HHAT: variants seen among roughly 807,000 people sequenced by gnomAD.
HHAT encodes the protein protein-cysteine N-palmitoyltransferase HHAT.
A neutral mutation model predicts 70.8 loss-of-function variants in HHAT; 47 were observed. The ratio of observed to expected loss-of-function variants is 0.66; its 90% CI spans 0.53 to 0.85. The LOEUF (loss-of-function observed/expected upper bound fraction) is 0.85. Ranked by LOEUF, HHAT falls within the 40% of genes least tolerant of loss-of-function variation. The pLI, the probability that HHAT is intolerant of heterozygous loss-of-function variation, is 0.00. For synonymous variants in HHAT, 228 were observed against 247.6 expected (o/e 0.92, Z 0.74); for missense variants, 609 against 604.8 (o/e 1.01, Z -0.07).
At chr1:210,367,357 T>C (rs760784710) in intron 3 of HHAT, among the ~76,000 whole-genome samples, 3 of 152,116 alleles carry the variant, frequency 2.0e-5, no homozygotes, top group Non-Finnish European at 2.9e-5. Flanking sequence ...GGTTGCAGCA[T>C]GGAGGTGAGA....
intron 11 of HHAT, among the ~76,000 whole-genome samples, chr1:210,644,349 TC>T (rs1391585339): frequency 2.0e-5 from 3 of 152,164 alleles, no homozygotes; most frequent in Admixed American, 2.0e-4. Context: ...ATGCCTGTAA[TC>T]CCAGCACTTT....
At chr1:210,514,203 C>T (rs2095012189) in intron 9 of HHAT, among the ~76,000 whole-genome samples, 1 of 152,202 alleles carries the variant, frequency 6.6e-6, no homozygotes, top group Non-Finnish European at 1.5e-5. Context: ...ATACCTTGTC[C>T]TCTTTGACCT....
chr1:210,382,869 A>G (rs1191755861), intron 3 of HHAT, among the ~76,000 whole-genome samples: 1 of 152,208 alleles, frequency 6.6e-6, no homozygotes, highest in Non-Finnish European at 1.5e-5. Flanking sequence ...GTACAGGGAC[A>G]AGCATGAGTA....
rs989765188 is a variant in HHAT at position 210,348,725 on chromosome 1, G to A, written c.-43-208G>A. Among the ~76,000 whole-genome samples the A allele has an allele frequency of 2.4e-5, 3 of 125,402 alleles. No individual in the cohort carries two copies. In the Admixed American group the frequency reaches 2.6e-4, roughly 11 times the overall value. The allele number at this position is 125,402 out of a possible 152,430, so 82.3% of individuals were successfully genotyped here. A position where few individuals can be genotyped will look rare whatever the true frequency, so the allele number is the denominator to read the frequency against. On this transcript the variant is annotated intron_variant, in intron 1 of 11. Coordinates refer to ENST00000261458, the MANE Select transcript of HHAT (RefSeq NM_018194.6). ...TTGACAGGCAGGATGCACATGTGTG[G>A]TGTATGTGTGCGTGTGTGTGTGTGT...
At chr1:210,589,989 T>C (rs973030261) in intron 10 of HHAT, 2 of 152,226 alleles carry the variant, frequency 1.3e-5, no homozygotes, top group African/African-American at 4.8e-5. Context: ...ATGAAACTTA[T>C]TTTTATCACC....
chr1:210,451,290 T>G (rs1313699663), intron 7 of HHAT, among the ~76,000 whole-genome samples: 1 of 152,134 alleles, frequency 6.6e-6, no homozygotes, highest in African/African-American at 2.4e-5. Flanking sequence ...TAGCAGTCTT[T>G]AGCTAATAAA....
In HHAT at chr1:210,672,519, C is replaced by G. The variant is rs896563976; in HGVS notation, c.1391-1769C>G. ...AAATGTGCTCTGTGCATTCCATCATCTAGTGCTTACCACATGATCATAAAT... is the reference window on the plus strand; with the variant it reads ...AAATGTGCTCTGTGCATTCCATCATGTAGTGCTTACCACATGATCATAAAT... On this transcript the variant is annotated intron_variant, in intron 11 of 11. Transcript: ENST00000261458. 2.0e-5 allele frequency among the ~76,000 whole-genome samples: 3 copies of G among 152,240 alleles called. No homozygotes were observed. The South Asian group carries it at 6.2e-4, about 31-fold the overall frequency.
intron 9 of HHAT, among the ~76,000 whole-genome samples, chr1:210,527,376 A>T (rs1275466934): frequency 6.6e-6 from 1 of 152,174 alleles, no homozygotes; most frequent in Non-Finnish European, 1.5e-5. Context: ...TAACAGCTTC[A>T]TGCTTCACTT....
At position 210,623,572 on chromosome 1, in the gene HHAT, T is replaced by G. The variant is rs1327162202; in HGVS notation, c.1292T>G (p.Leu431Arg). The G allele has an allele frequency of 6.2e-7, 1 of 1,613,980 alleles. No individual in the cohort carries two copies. The highest frequency in any genetic ancestry group is 8.5e-7 in the Non-Finnish European group (1 of 1,179,996). ...PQARRRFHAA[L>R]ASCSTSMLIL... ...GCTCGCCGTCGATTCCACGCTGCCCTTGCTTCTTGTTCCACCTCGATGCTG... is the reference window on the plus strand; with the variant it reads ...GCTCGCCGTCGATTCCACGCTGCCCGTGCTTCTTGTTCCACCTCGATGCTG... Residue 431 changes from leucine (L) to arginine (R), a missense_variant, in exon 11 of 12, where the codon CTT (leucine) becomes CGT (arginine). By Grantham distance (102) the Leu-to-Arg change is moderately radical. Transcript: ENST00000261458.
At position 210,496,010 on chromosome 1, in the gene HHAT, C is replaced by CAAAAAAAAAA. The variant is rs10639399; in HGVS notation, c.1008-17132_1008-17123dup. 4.6e-4 allele frequency among the ~76,000 whole-genome samples: 31 copies of CAAAAAAAAAA among 67,930 alleles called. 1 individual carries two copies. The highest frequency in any genetic ancestry group is 8.2e-4 in the African/African-American group (12 of 14,658). 44.6% of individuals were successfully genotyped at this position (67,930 alleles called of 152,430 possible). A position where few individuals can be genotyped will look rare whatever the true frequency, so the allele number is the denominator to read the frequency against. The stretch of plus-strand genomic sequence containing the variant: ...TGGGCAACAGAGTCAAACTCTATCT[C>CAAAAAAAAAA]AAAAAAAAAAAAAAAAAAAAGAAAA... On this transcript the variant is annotated intron_variant, in intron 8 of 11. Transcript: ENST00000261458.
intron 6 of HHAT, among the ~76,000 whole-genome samples, chr1:210,415,578 A>G (rs1026806104): frequency 6.6e-6 from 1 of 152,232 alleles, no homozygotes; most frequent in Non-Finnish European, 1.5e-5. Context: ...TTAACAGTGC[A>G]GATTGGTATG....
chr1:210,583,032 G>T (rs762355663), intron 9 of HHAT, among the ~76,000 whole-genome samples: 18 of 152,136 alleles, frequency 1.2e-4, no homozygotes, highest in Admixed American at 6.5e-5. Flanking sequence ...ACCCAGCCCT[G>T]GGGTTTCTGG....
intron 11 of HHAT, among the ~76,000 whole-genome samples, chr1:210,634,669 G>A (rs1211988076): frequency 6.6e-6 from 1 of 152,142 alleles, no homozygotes; most frequent in South Asian, 2.1e-4. Context: ...TGATCTTGTT[G>A]TTTTTCTGTT....
intron 11 of HHAT, among the ~76,000 whole-genome samples, chr1:210,657,073 G>A (rs753461999): frequency 2.6e-5 from 4 of 152,168 alleles, no homozygotes; most frequent in Admixed American, 1.3e-4. Context: ...GAACTGTTCT[G>A]TGCTCCAGTC....
chr1:210,615,889 C>T (rs1475395961), intron 10 of HHAT, among the ~76,000 whole-genome samples: 1 of 152,176 alleles, frequency 6.6e-6, no homozygotes, highest in Admixed American at 6.5e-5. Context: ...GGGTCAGGGA[C>T]CCACTTGAGG....
At chr1:210,506,058 C>G (rs1428992397) in intron 8 of HHAT, among the ~76,000 whole-genome samples, 1 of 152,154 alleles carries the variant, frequency 6.6e-6, no homozygotes, top group Non-Finnish European at 1.5e-5. Context: ...CCCCACCCCT[C>G]CTCCGTCAAA....
At chr1:210,671,083 C>G (rs147995608) in intron 11 of HHAT, among the ~76,000 whole-genome samples, 9 of 152,254 alleles carry the variant, frequency 5.9e-5, no homozygotes, top group African/African-American at 1.9e-4. Context: ...CTGTGTGTTA[C>G]GCGGAAGCTT....
chr1:210,355,473 A>G (rs2087513685), intron 2 of HHAT, among the ~76,000 whole-genome samples: 1 of 152,194 alleles, frequency 6.6e-6, no homozygotes, highest in African/African-American at 2.4e-5. Context: ...TAAAGTACCT[A>G]TTCCTTTTTT....
intron 8 of HHAT, among the ~76,000 whole-genome samples, chr1:210,492,155 TCCCA>T (rs2148515828): frequency 6.6e-6 from 1 of 152,236 alleles, no homozygotes; most frequent in Admixed American, 6.5e-5. Context: ...TTCTACATCC[TCCCA>T]CTAACTCTTT....
Sources: gnomAD v4.1 joint callset for allele counts (sites outside exome capture counted in the v4.1 genomes callset) on GRCh38, gnomAD v4.1.1 for gene constraint, MANE v1.5 for transcripts, NCBI Gene and HGNC (gene_info 2026-07-23, HGNC 2026-07-21) for gene names.